The following ZNF215 variants were observed in gnomAD, a reference collection of about 807,000 sequenced individuals.
ZNF215 encodes zinc finger protein 215, also known as BWSCR2-associated zinc finger protein 2.
ZNF215 carries 24 observed loss-of-function variants against 27.2 expected under a neutral mutation model. The ratio of observed to expected loss-of-function variants is 0.88; its 90% CI spans 0.64 to 1.24. The LOEUF (loss-of-function observed/expected upper bound fraction) is 1.24. Ranked by LOEUF, ZNF215 falls within the 50% of genes most tolerant of loss-of-function variation. The pLI is 0.00. For synonymous variants in ZNF215, 210 were observed against 204.0 expected (o/e 1.03, Z -0.25); for missense variants, 675 against 605.7 (o/e 1.11, Z -1.20).
At chr11:6,928,830 T>C (rs1221876010) in intron 2 of ZNF215, among the ~76,000 whole-genome samples, 1 of 152,192 alleles carries the variant, frequency 6.6e-6, no homozygotes, top group Non-Finnish European at 1.5e-5. Context: ...ACCAGTCATA[T>C]TTAAGAGCTC....
exon 6 of ZNF215, chr11:6,984,629 T>C (rs1395498793): frequency 6.6e-6 from 1 of 152,194 alleles, no homozygotes; most frequent in East Asian, 1.9e-4. Flanking sequence ...CTAAATTTAC[T>C]GACAATCTGC....
chr11:6,946,622 C>G (rs754904630), intron 6 of ZNF215, among the ~76,000 whole-genome samples: 34 of 152,304 alleles, frequency 2.2e-4, no homozygotes, highest in Middle Eastern at 3.4e-3. Context: ...TTCCTCAGAT[C>G]TCAAATAAGT....
chr11:6,943,990 G>GTAT (rs967617561), intron 6 of ZNF215, among the ~76,000 whole-genome samples: 2 of 152,122 alleles, frequency 1.3e-5, no homozygotes, highest in African/African-American at 4.8e-5. Flanking sequence ...ATAGTGCATG[G>GTAT]TATGGCTGGG....
intron 5 of ZNF215, among the ~76,000 whole-genome samples, chr11:6,980,836 A>G (rs571130354): frequency 1.1e-3 from 150 of 138,136 alleles, no homozygotes; most frequent in Middle Eastern, 4.0e-3. Flanking sequence ...TTCATTTCCC[A>G]CCTATGAGTG....
At chr11:6,975,414 AT>A (rs1220432831) in intron 5 of ZNF215, among the ~76,000 whole-genome samples, 4 of 152,006 alleles carry the variant, frequency 2.6e-5, no homozygotes, top group Non-Finnish European at 4.4e-5. Context: ...TTATTTTTAA[AT>A]GTACAATTAC....
Position 6,956,818 on chromosome 11 carries a change from C to G in ZNF215, c.*287C>G. 8.8e-7 allele frequency: 1 copy of G among 1,138,140 alleles called. No homozygotes were observed. Among genetic ancestry groups the G allele is most frequent in the African/African-American group, 1.6e-5 (1 of 62,138 alleles). 70.5% of individuals were successfully genotyped at this position (1,138,140 alleles called of 1,614,324 possible). A position where few individuals can be genotyped will look rare whatever the true frequency, so the allele number is the denominator to read the frequency against. ...ATTTTGATATCCATTACCCTCACCT[C>G]TCCCTAGTTCATAAATAGGTCTATA... On this transcript the variant is annotated 3_prime_UTR_variant, in exon 7 of 7. Coordinates refer to ENST00000278319, the MANE Select transcript of ZNF215 (RefSeq NM_013250.4).
At chr11:6,971,854 T>C (rs925170968) in intron 5 of ZNF215, among the ~76,000 whole-genome samples, 8 of 152,146 alleles carry the variant, frequency 5.3e-5, no homozygotes, top group Non-Finnish European at 1.5e-5. Context: ...TAAAGGTGTT[T>C]TTGAGTACAT....
downstream of ZNF215, among the ~76,000 whole-genome samples, chr11:6,960,782 C>T (rs922697359): frequency 1.3e-5 from 2 of 152,156 alleles, no homozygotes; most frequent in African/African-American, 4.8e-5. Flanking sequence ...ACCATCATCT[C>T]CAGCCTTCAG....
At chr11:6,968,133 C>T (rs1393682643) in intron 5 of ZNF215, among the ~76,000 whole-genome samples, 1 of 152,064 alleles carries the variant, frequency 6.6e-6, no homozygotes, top group African/African-American at 2.4e-5. Context: ...TGTTCTGTTC[C>T]ATTGGTCTAT....
chr11:6,973,718 T>C (rs1850770915), intron 5 of ZNF215, among the ~76,000 whole-genome samples: 1 of 152,232 alleles, frequency 6.6e-6, no homozygotes, highest in African/African-American at 2.4e-5. Flanking sequence ...TCTGTTCATA[T>C]CCTTCACCCA....
rs151042050 is a variant in ZNF215, at chr11:6,943,368, C to A, written c.616+153C>A. 2.7e-3 allele frequency among the ~76,000 whole-genome samples: 405 copies of A among 152,296 alleles called. 3 individuals carry two copies. The highest frequency in any genetic ancestry group is 8.6e-3 in the African/African-American group (356 of 41,556). ...CACAGTAGCAGATTTTCTGACTCAT[C>A]TGGATGAAAGTCCTTTCTGATATTG... On this transcript the variant is annotated intron_variant, in intron 5 of 6. Transcript: ENST00000278319.
At chr11:6,967,514 G>A (rs1850646612) in intron 5 of ZNF215, among the ~76,000 whole-genome samples, 1 of 152,206 alleles carries the variant, frequency 6.6e-6, no homozygotes, top group Non-Finnish European at 1.5e-5. Flanking sequence ...GGTGTGAGAT[G>A]ATACCTCATT....
intron 3 of ZNF215, among the ~76,000 whole-genome samples, chr11:6,938,330 A>T: frequency 6.6e-6 from 1 of 152,050 alleles, no homozygotes; most frequent in East Asian, 1.9e-4. Context: ...AGGAAAACGA[A>T]TAGGGTTAGC....
intron 5 of ZNF215, among the ~76,000 whole-genome samples, chr11:6,965,759 G>A (rs571545042): frequency 6.6e-6 from 1 of 152,050 alleles, no homozygotes; most frequent in Admixed American, 6.6e-5. Context: ...TTCCTATGAG[G>A]GTGCTAAATT....
In ZNF215 at chr11:6,956,518, G is replaced by C; in HGVS notation, c.1541G>C (p.Arg514Pro). The C allele has an allele frequency of 6.3e-7, 1 of 1,585,958 alleles. No homozygotes were observed. Among genetic ancestry groups the C allele is most frequent in the South Asian group, 1.2e-5 (1 of 86,154 alleles). ...GTTAAACATCAAAAACTGCATACTC[G>C]AGATAAGTCCTGAAAAAAGAAAAAA... ...NLVKHQKLHT[R>P]DKS is the part of the protein sequence containing the mutation. The change falls in exon 7 of 7, where the codon CGA (arginine) becomes CCA (proline). Residue 514 changes from arginine to proline, a missense_variant. Coordinates refer to ENST00000278319, the MANE Select transcript of ZNF215 (RefSeq NM_013250.4).
chr11:6,984,474 T>G (rs1215886695), exon 6 of ZNF215: 1 of 153,076 alleles, frequency 6.5e-6, no homozygotes, highest in African/African-American at 2.4e-5. Flanking sequence ...AACTTATTTT[T>G]ACAAAGAAAA....
At chr11:6,988,766 A>T (rs1851086930), downstream of ZNF215, 1 of 152,172 alleles carries the variant, frequency 6.6e-6, no homozygotes, top group African/African-American at 2.4e-5. Flanking sequence ...GGAATATGAG[A>T]TATGCTAAAG....
intron 5 of ZNF215, among the ~76,000 whole-genome samples, chr11:6,970,284 T>G (rs915497218): frequency 1.3e-5 from 2 of 152,214 alleles, no homozygotes; most frequent in African/African-American, 4.8e-5. Context: ...ATCCAATTTC[T>G]TTAACAAAAT....
At chr11:6,972,023 T>C (rs1850728704) in intron 5 of ZNF215, among the ~76,000 whole-genome samples, 1 of 152,176 alleles carries the variant, frequency 6.6e-6, no homozygotes, top group Non-Finnish European at 1.5e-5. Flanking sequence ...AAATTTTTTT[T>C]CCCTGTACTA....
Sources: allele counts gnomAD v4.1 joint callset (sites outside exome capture counted in the v4.1 genomes callset), GRCh38; gene constraint gnomAD v4.1.1; transcripts MANE v1.5; gene names NCBI Gene and HGNC (gene_info 2026-07-23, HGNC 2026-07-21).